Variants in SPTBN1 observed in about 807,000 individuals in gnomAD.
SPTBN1 encodes spectrin beta, non-erythrocytic 1.
SPTBN1 carries 32 observed loss-of-function variants against 266.4 expected under a neutral mutation model. The ratio of observed to expected loss-of-function variants is 0.12; its 90% CI spans 0.09 to 0.16. SPTBN1 has a LOEUF of 0.16. SPTBN1 is among the 10% of genes least tolerant of loss of function. The pLI is 1.00. For synonymous variants in SPTBN1, 1,336 were observed against 1,162.2 expected (o/e 1.15, Z -3.04); for missense variants, 2,296 against 3,067.1 (o/e 0.75, Z 5.94).
At chr2:54,524,686 C>G (rs1670691501) in intron 1 of SPTBN1, among the ~76,000 whole-genome samples, 1 of 152,296 alleles carries the variant, frequency 6.6e-6, no homozygotes, top group Non-Finnish European at 1.5e-5. Flanking sequence ...GCTTAAAATC[C>G]TGCAGTTGCT....
intron 2 of SPTBN1, chr2:54,557,701 C>G (rs1472507736): frequency 1.0e-6 from 1 of 984,400 alleles, no homozygotes; most frequent in Non-Finnish European, 1.2e-6. Flanking sequence ...CCTTGCAAAT[C>G]GGTGCTCCCA....
chr2:54,461,926 T>G (rs1025559019), intron 1 of SPTBN1, among the ~76,000 whole-genome samples: 2 of 152,212 alleles, frequency 1.3e-5, no homozygotes, highest in African/African-American at 4.8e-5. Context: ...AATCAGTATT[T>G]TGTCCTTTAA....
chr2:54,641,835 C>T (rs1679587574), intron 18 of SPTBN1, among the ~76,000 whole-genome samples: 1 of 152,108 alleles, frequency 6.6e-6, no homozygotes. Flanking sequence ...TGGCAGCAGC[C>T]CACAGTGGGA....
At chr2:54,633,391 AATT>A (rs1558451007) in intron 17 of SPTBN1, among the ~76,000 whole-genome samples, 1 of 151,622 alleles carries the variant, frequency 6.6e-6, no homozygotes, top group Non-Finnish European at 1.5e-5. Flanking sequence ...TCTTGTTTAA[AATT>A]ATTTTTTTAT....
intron 4 of SPTBN1, among the ~76,000 whole-genome samples, chr2:54,613,617 G>A (rs76819295): frequency 0.066 from 10,106 of 152,290 alleles, 418 homozygotes; most frequent in African/African-American, 0.11. Context: ...CCCAGCCCTA[G>A]TAGTTCTGAT....
intron 5 of SPTBN1, among the ~76,000 whole-genome samples, chr2:54,617,101 T>C (rs964905631): frequency 6.6e-6 from 1 of 152,228 alleles, no homozygotes. Flanking sequence ...TCATTATGGG[T>C]AAGTTTCACA....
chr2:54,600,070 T>C lies in SPTBN1; in HGVS notation c.300+827T>C, dbSNP rs564667858. ...CTGTACTGACATCACCAGGAAAATA[T>C]GATGCTGGCAGTTGGCAGGGCTGCC... On this transcript the variant is annotated intron_variant, in intron 3 of 35. Transcript: ENST00000356805. 2.3e-4 allele frequency among the ~76,000 whole-genome samples: 35 copies of C among 152,276 alleles called. 1 individual carries two copies. In the South Asian group the frequency reaches 6.4e-3, roughly 28 times the overall value.
chr2:54,593,758 T>G (rs1675841761), intron 2 of SPTBN1, among the ~76,000 whole-genome samples: 1 of 148,890 alleles, frequency 6.7e-6, no homozygotes, highest in Non-Finnish European at 1.5e-5. Flanking sequence ...CTTTACAAAA[T>G]AAGGACTTGC....
chr2:54,572,977 C>T (rs558513692), intron 2 of SPTBN1, among the ~76,000 whole-genome samples: 2 of 152,300 alleles, frequency 1.3e-5, no homozygotes, highest in East Asian at 3.9e-4. Context: ...GTGTTTGCCA[C>T]AGCGTGCTGG....
rs777113090 is a variant in SPTBN1, at chr2:54,618,073, C to T, written c.648-5C>T. ...TTTGTTGTGTCCCACTGTTGTTCTG[C>T]ACAGGCCTGACCTGATAGATTTTGA... is the stretch of plus-strand genomic sequence containing the variant. On this transcript the variant is annotated splice_polypyrimidine_tract_variant and splice_region_variant and intron_variant, in intron 6 of 35. Transcript: ENST00000356805. The T allele has an allele frequency of 6.2e-7, 1 of 1,611,220 alleles. No individual in the cohort carries two copies. The highest frequency in any genetic ancestry group is 1.7e-5 in the Admixed American group (1 of 59,668).
In SPTBN1 at chr2:54,558,957, C is replaced by T. The variant is rs1264967921; in HGVS notation, c.148+32391C>T. On this transcript the variant is annotated intron_variant, in intron 2 of 35. Coordinates refer to ENST00000356805, the MANE Select transcript of SPTBN1 (RefSeq NM_003128.3). The surrounding 1 kb of genome is among the most constrained non-coding windows in gnomAD (Gnocchi z 4.6). ...GGGTTCTTGGAGGCTTTATTTGTGA[C>T]CCTAATGAAGACGGGCGGCTTCACA... The T allele has an allele frequency of 1.3e-6, 2 of 1,539,080 alleles. No homozygotes were observed. Among genetic ancestry groups the T allele is most frequent in the African/African-American group, 1.4e-5 (1 of 72,348 alleles).
chr2:54,592,711 C>T (rs147637304), intron 2 of SPTBN1, among the ~76,000 whole-genome samples: 2 of 152,174 alleles, frequency 1.3e-5, no homozygotes, highest in African/African-American at 4.8e-5. Flanking sequence ...TTTTCTAATA[C>T]ATCTTCTAAG....
intron 2 of SPTBN1, among the ~76,000 whole-genome samples, chr2:54,592,215 C>A (rs77625263): frequency 6.6e-6 from 1 of 152,036 alleles, no homozygotes; most frequent in Admixed American, 6.6e-5. Context: ...ATTACATAGA[C>A]GCATTACAGC....
intron 2 of SPTBN1, among the ~76,000 whole-genome samples, chr2:54,569,552 C>G (rs1373667670): frequency 1.3e-5 from 2 of 152,068 alleles, no homozygotes; most frequent in Non-Finnish European, 2.9e-5. Flanking sequence ...CGAGTTTTGT[C>G]TTGGCTTTTT....
At chr2:54,549,517 C>A (rs1232741740) in intron 2 of SPTBN1, among the ~76,000 whole-genome samples, 1 of 152,144 alleles carries the variant, frequency 6.6e-6, no homozygotes, top group African/African-American at 2.4e-5. Context: ...CATAGCCAGT[C>A]AGTGTTAAAA....
chr2:54,646,872 G>C lies in SPTBN1; in HGVS notation c.4867-259G>C, dbSNP rs1195345663. 6.6e-6 allele frequency among the ~76,000 whole-genome samples: 1 copy of C among 152,188 alleles called. No homozygotes were observed. Among genetic ancestry groups the C allele is most frequent in the Non-Finnish European group, 1.5e-5 (1 of 68,044 alleles). ...GAATTCCAGCGAACCAGGCACACTT[G>C]GTCTGCCCAAGCTTTTCTCTGAGAG... On this transcript the variant is annotated intron_variant, in intron 23 of 35. Transcript: ENST00000356805. This position sits in a 1 kb window ranked among gnomAD's most constrained non-coding sequence, Gnocchi z 4.4.
At chr2:54,592,567 A>G (rs1002979017) in intron 2 of SPTBN1, among the ~76,000 whole-genome samples, 1 of 152,092 alleles carries the variant, frequency 6.6e-6, no homozygotes, top group African/African-American at 2.4e-5. Context: ...TGTTTTTAGT[A>G]GAGATGGGGG....
chr2:54,553,070 GA>G (rs1672672038), intron 2 of SPTBN1, among the ~76,000 whole-genome samples: 1 of 152,230 alleles, frequency 6.6e-6, no homozygotes. Context: ...CTTTTGGGGG[GA>G]AAAGGAGGCT....
Position 54,644,434 on chromosome 2 carries a change from G to C in SPTBN1, c.4117G>C (p.Ala1373Pro). ...EVLESTTQTKAQRLFDANKAE... is the reference protein window; with the variant it reads ...EVLESTTQTKPQRLFDANKAE... ...CCTTGAATCCACTACCCAGACAAAGGCCCAGCGGCTCTTTGATGCAAACAA... is the reference window on the plus strand; with the variant it reads ...CCTTGAATCCACTACCCAGACAAAGCCCCAGCGGCTCTTTGATGCAAACAA... The change falls in exon 20 of 36, where the codon GCC becomes CCC. Residue 1373 changes from alanine to proline, a missense_variant. Coordinates refer to ENST00000356805, the MANE Select transcript of SPTBN1 (RefSeq NM_003128.3). 6.2e-7 allele frequency: 1 copy of C among 1,614,180 alleles called. No homozygotes were observed. The highest frequency in any genetic ancestry group is 8.5e-7 in the Non-Finnish European group (1 of 1,180,038).
Sources: allele counts gnomAD v4.1 joint callset (sites outside exome capture counted in the v4.1 genomes callset), GRCh38; gene constraint gnomAD v4.1.1; non-coding constraint Gnocchi (gnomAD v3.1); transcripts MANE v1.5; gene names NCBI Gene and HGNC (gene_info 2026-07-23, HGNC 2026-07-21).